PCDHB1: variants seen among roughly 807,000 people sequenced by gnomAD.
The protein encoded by PCDHB1 is protocadherin beta-1.
Under a neutral mutation model 43.5 loss-of-function variants are expected in PCDHB1, and 44 were observed. The ratio of observed to expected loss-of-function variants is 1.01; its 90% CI spans 0.79 to 1.30. The LOEUF is 1.30. PCDHB1 is among the 50% of genes most tolerant of loss of function. The pLI is 0.00. For synonymous variants in PCDHB1, 392 were observed against 400.8 expected (o/e 0.98, Z 0.26); for missense variants, 919 against 1,008.9 (o/e 0.91, Z 1.21).
chr5:141,052,742 C>T lies in PCDHB1; in HGVS notation c.1272C>T (p.Ala424=), dbSNP rs1554267295. The change falls in exon 1 of 1, where the codon GCC becomes GCT. Residue 424 remains alanine, a synonymous_variant. Coordinates refer to ENST00000306549, the MANE Select transcript of PCDHB1 (RefSeq NM_013340.4). ...EVSGYNITIV[A]MDTGPPSLSA... Reference sequence around the variant, plus strand: ...CAGGCTATAATATCACCATTGTTGCCATGGATACTGGACCACCTAGCTTGT... The same window carrying T: ...CAGGCTATAATATCACCATTGTTGCTATGGATACTGGACCACCTAGCTTGT... 6.2e-7 allele frequency: 1 copy of T among 1,614,082 alleles called. No homozygotes were observed. The highest frequency in any genetic ancestry group is 1.7e-5 in the Admixed American group (1 of 60,020).
In PCDHB1 at chr5:141,052,154, C is replaced by A. The variant is rs782694210; in HGVS notation, c.684C>A (p.Ile228=). ...GSPPKSGTAH[I]HVVVLDVNDH... ...CGCCTAAGTCTGGCACAGCTCACAT[C>A]CACGTGGTGGTTCTGGATGTCAACG... The change falls in exon 1 of 1, where the codon ATC becomes ATA. Residue 228 remains isoleucine (I), a synonymous_variant. Coordinates refer to ENST00000306549, the MANE Select transcript of PCDHB1 (RefSeq NM_013340.4). 4 of 1,613,732 alleles carry A rather than the reference C, an allele frequency of 2.5e-6. No individual in the cohort carries two copies. The highest frequency in any genetic ancestry group is 3.3e-5 in the Admixed American group (2 of 59,968).
Position 141,059,293 on chromosome 5 carries a change from TG to T in PCDHB1, c.*5368del, listed in dbSNP as rs1554268037. The T allele has an allele frequency of 6.6e-6, 1 of 152,180 alleles. No individual in the cohort carries two copies. The highest frequency in any genetic ancestry group is 1.9e-4 in the East Asian group (1 of 5,192). The allele number at this position is 152,180 out of a possible 1,614,324, so 9.4% of individuals were successfully genotyped here. ...CTTACAGATATACAAAAAATGGAAT[TG>T]GTCTGTCTGATATTATGTAATTCTC... On this transcript the variant is annotated 3_prime_UTR_variant, in exon 1 of 1. Coordinates refer to ENST00000306549, the MANE Select transcript of PCDHB1 (RefSeq NM_013340.4).
Position 141,055,025 on chromosome 5 carries a change from T to C in PCDHB1, c.*1098T>C, listed in dbSNP as rs1008460313. 2.6e-5 allele frequency: 4 copies of C among 152,138 alleles called. No homozygotes were observed. Among genetic ancestry groups the C allele is most frequent in the Non-Finnish European group, 4.4e-5 (3 of 68,032 alleles). The allele number at this position is 152,138 out of a possible 1,614,324, so 9.4% of individuals were successfully genotyped here. ...TTGATTTCTTGATTGTTTGGAGCCA[T>C]AGGCAAGTCTCAAATCTCCCTCTTT... is the stretch of plus-strand genomic sequence containing the variant. On this transcript the variant is annotated 3_prime_UTR_variant, in exon 1 of 1. Coordinates refer to ENST00000306549, the MANE Select transcript of PCDHB1 (RefSeq NM_013340.4).
chr5:141,052,247 T>A lies in PCDHB1; in HGVS notation c.777T>A (p.Ser259=), dbSNP rs782045814. ...TATCAGAGAACAGCCCCAATGGCTCTTTGGTGGCCACGGTGACTGCCGTGG... is the reference window on the plus strand; with the variant it reads ...TATCAGAGAACAGCCCCAATGGCTCATTGGTGGCCACGGTGACTGCCGTGG... The part of the protein sequence containing the change: ...AQVSENSPNG[S]LVATVTAVDL... The change falls in exon 1 of 1, where the codon TCT becomes TCA. Residue 259 remains serine, a synonymous_variant. Coordinates refer to ENST00000306549, the MANE Select transcript of PCDHB1 (RefSeq NM_013340.4). 2 of 1,614,176 alleles carry A rather than the reference T, an allele frequency of 1.2e-6. No homozygotes were observed. Among genetic ancestry groups the A allele is most frequent in the South Asian group, 2.2e-5 (2 of 91,090 alleles).
In PCDHB1 at chr5:141,059,041, T is replaced by C. The variant is rs1554268013; in HGVS notation, c.*5114T>C. The C allele has an allele frequency of 6.6e-6, 1 of 152,154 alleles. No homozygotes were observed. Among genetic ancestry groups the C allele is most frequent in the African/African-American group, 2.4e-5 (1 of 41,460 alleles). 9.4% of individuals were successfully genotyped at this position (152,154 alleles called of 1,614,324 possible). A position where few individuals can be genotyped will look rare whatever the true frequency, so the allele number is the denominator to read the frequency against. The stretch of plus-strand genomic sequence containing the variant: ...CAAAATTAGTATTTCTTTGTAACTC[T>C]ACATGTTAGATTATTTTAAACAATC... On this transcript the variant is annotated 3_prime_UTR_variant, in exon 1 of 1. Transcript: ENST00000306549.
rs1751145434 is a variant in PCDHB1, at chr5:141,056,902, C to T, written c.*2975C>T. On this transcript the variant is annotated 3_prime_UTR_variant, in exon 1 of 1. Coordinates refer to ENST00000306549, the MANE Select transcript of PCDHB1 (RefSeq NM_013340.4). ...TCCCAAAGTGCTAGGATTACAGCAC[C>T]ATGCCCAGCCTAGAATTAATTTTTA... is the stretch of plus-strand genomic sequence containing the variant. The T allele has an allele frequency of 6.6e-6, 1 of 152,150 alleles. No homozygotes were observed. The highest frequency in any genetic ancestry group is 2.4e-5 in the African/African-American group (1 of 41,440). The allele number at this position is 152,150 out of a possible 1,614,324, so 9.4% of individuals were successfully genotyped here.
At position 141,051,611 on chromosome 5, in the gene PCDHB1, C is replaced by T; in HGVS notation, c.141C>T (p.Asn47=). The T allele has an allele frequency of 2.5e-6, 4 of 1,614,236 alleles. No individual in the cohort carries two copies. The highest frequency in any genetic ancestry group is 3.4e-6 in the Non-Finnish European group (4 of 1,180,040). Reference sequence around the variant, plus strand: ...TGGAGAGCGGCTCGTTTGTGGCCAACGTAGCTAAGGACCTAGGACTGGAGG... The same window carrying T: ...TGGAGAGCGGCTCGTTTGTGGCCAATGTAGCTAAGGACCTAGGACTGGAGG... ...EEMESGSFVA[N]VAKDLGLEVG... The change falls in exon 1 of 1, where the codon AAC becomes AAT. Residue 47 remains asparagine (N), a synonymous_variant. Transcript: ENST00000306549.
rs1166077894 is a variant in PCDHB1, at chr5:141,051,393, C to T, written c.-78C>T. 2.7e-6 allele frequency: 4 copies of T among 1,478,102 alleles called. No homozygotes were observed. The African/African-American group carries it at 5.5e-5, about 20-fold the overall frequency. 91.6% of individuals were successfully genotyped at this position (1,478,102 alleles called of 1,614,324 possible). A position where few individuals can be genotyped will look rare whatever the true frequency, so the allele number is the denominator to read the frequency against. The stretch of plus-strand genomic sequence containing the variant: ...CTAGTGAAGCGGAGAGCAGCTGTTG[C>T]AGTAACCTGTTGCAGAAAAGTGAAA... On this transcript the variant is annotated 5_prime_UTR_variant, in exon 1 of 1. Transcript: ENST00000306549.
rs570377692 is a variant in PCDHB1 at position 141,051,468 on chromosome 5, C to T, written c.-3C>T. 1 of 1,613,690 alleles carries T rather than the reference C, an allele frequency of 6.2e-7. No homozygotes were observed. Among genetic ancestry groups the T allele is most frequent in the Non-Finnish European group, 8.5e-7 (1 of 1,179,576 alleles). ...ATTGCAGAGAGCGCGCTTGTGAGAA[C>T]TGATGGCGGGTACGCGCAGAAAATC... On this transcript the variant is annotated 5_prime_UTR_variant, in exon 1 of 1. Transcript: ENST00000306549.
Position 141,057,174 on chromosome 5 carries a change from T to C in PCDHB1, c.*3247T>C, listed in dbSNP as rs1347632693. 1 of 152,200 alleles carries C rather than the reference T, an allele frequency of 6.6e-6. No individual in the cohort carries two copies. Among genetic ancestry groups the C allele is most frequent in the Admixed American group, 6.5e-5 (1 of 15,280 alleles). 9.4% of individuals were successfully genotyped at this position (152,200 alleles called of 1,614,324 possible). On this transcript the variant is annotated 3_prime_UTR_variant, in exon 1 of 1. Transcript: ENST00000306549. ...TGTAGATTTGTCAACTTTTTATTTTTTCACATTAAATGAGATAAAATCTAC... is the reference window on the plus strand; with the variant it reads ...TGTAGATTTGTCAACTTTTTATTTTCTCACATTAAATGAGATAAAATCTAC...
chr5:141,057,406 G>T lies in PCDHB1; in HGVS notation c.*3479G>T, dbSNP rs1554267919. ...AAAATACAAAAATTAGCTGGGTGTG[G>T]TGGTATGTGCCTGTAGTCCCAGCTA... On this transcript the variant is annotated 3_prime_UTR_variant, in exon 1 of 1. Coordinates refer to ENST00000306549, the MANE Select transcript of PCDHB1 (RefSeq NM_013340.4). 1 of 151,806 alleles carries T rather than the reference G, an allele frequency of 6.6e-6. No individual in the cohort carries two copies. Among genetic ancestry groups the T allele is most frequent in the Non-Finnish European group, 1.5e-5 (1 of 67,968 alleles). 9.4% of individuals were successfully genotyped at this position (151,806 alleles called of 1,614,324 possible).
rs1487168243 is a variant in PCDHB1 at position 141,052,225 on chromosome 5, C to A, written c.755C>A (p.Ser252Ter). The change falls in exon 1 of 1, where the codon TCA becomes TAA. Residue 252 changes from serine to a stop codon, truncating the protein, a stop_gained. Transcript: ENST00000306549. LOFTEE classifies it high-confidence loss of function. ...CGACTGGTGTACAGAGCCCAGGTAT[C>A]AGAGAACAGCCCCAATGGCTCTTTG... ...FSRLVYRAQV[S>*]ENSPNGSLVA... The A allele has an allele frequency of 1.9e-6, 3 of 1,614,062 alleles. No homozygotes were observed. Among genetic ancestry groups the A allele is most frequent in the Non-Finnish European group, 1.7e-6 (2 of 1,180,034 alleles).
rs782279373 is a variant in PCDHB1, at chr5:141,053,042, C to T, written c.1572C>T (p.Ala524=). 7 of 1,614,216 alleles carry T rather than the reference C, an allele frequency of 4.3e-6. No homozygotes were observed. The highest frequency in any genetic ancestry group is 5.9e-6 in the Non-Finnish European group (7 of 1,180,042). ...CGCTGAGAACCATGGATTATGAGGC[C>T]ATTCAAGATTTTCAATTTGTGGTAA... ...LYALRTMDYE[A]IQDFQFVVKA... The change falls in exon 1 of 1, where the codon GCC becomes GCT. Residue 524 remains alanine, a synonymous_variant. Coordinates refer to ENST00000306549, the MANE Select transcript of PCDHB1 (RefSeq NM_013340.4).
rs1563791869 is a variant in PCDHB1 at position 141,052,410 on chromosome 5, A to G, written c.940A>G (p.Thr314Ala). Reference protein sequence around the residue: ...RGPLDFEAIETYDIDIQATDG... With the variant: ...RGPLDFEAIEAYDIDIQATDG... ...ACCCCTCGATTTTGAAGCCATTGAA[A>G]CATACGACATTGACATTCAAGCTAC... Residue 314 changes from threonine to alanine, a missense_variant, in exon 1 of 1, where the codon ACA (threonine) becomes GCA (alanine). Physicochemically the swap from Thr to Ala is moderately conservative, Grantham distance 58 (BLOSUM62 0). Transcript: ENST00000306549. 6.2e-7 allele frequency: 1 copy of G among 1,614,228 alleles called. No homozygotes were observed. The highest frequency in any genetic ancestry group is 1.1e-5 in the South Asian group (1 of 91,082).
chr5:141,055,503 C>T lies in PCDHB1; in HGVS notation c.*1576C>T, dbSNP rs1751114712. Reference sequence around the variant, plus strand: ...AATAAGTGTTACAGAACACTCTAAACTATTTTGTGCCATTAAGTGTACACA... The same window carrying T: ...AATAAGTGTTACAGAACACTCTAAATTATTTTGTGCCATTAAGTGTACACA... On this transcript the variant is annotated 3_prime_UTR_variant, in exon 1 of 1. Coordinates refer to ENST00000306549, the MANE Select transcript of PCDHB1 (RefSeq NM_013340.4). 1 of 152,194 alleles carries T rather than the reference C, an allele frequency of 6.6e-6. No homozygotes were observed. Among genetic ancestry groups the T allele is most frequent in the African/African-American group, 2.4e-5 (1 of 41,448 alleles). 9.4% of individuals were successfully genotyped at this position (152,194 alleles called of 1,614,324 possible). A position where few individuals can be genotyped will look rare whatever the true frequency, so the allele number is the denominator to read the frequency against.
chr5:141,053,715 T>G lies in PCDHB1; in HGVS notation c.2245T>G (p.Leu749Val), dbSNP rs782606889. The change falls in exon 1 of 1, where the codon TTA becomes GTA. Residue 749 changes from leucine to valine, a missense_variant. Leu to Val is a conservative substitution (Grantham distance 32, BLOSUM62 1). Transcript: ENST00000306549. The stretch of plus-strand genomic sequence containing the variant: ...GGTACAAGGACAAGGCAATGGATCC[T>G]TATCTCGGCCTTGTCCATATGAAAT... ...NLVQGQGNGS[L>V]SRPCPYEMCS... is the part of the protein sequence containing the mutation. 1.2e-6 allele frequency: 2 copies of G among 1,613,920 alleles called. No individual in the cohort carries two copies. Among genetic ancestry groups the G allele is most frequent in the Non-Finnish European group, 1.7e-6 (2 of 1,179,730 alleles).
chr5:141,053,644 C>G lies in PCDHB1; in HGVS notation c.2174C>G (p.Thr725Arg), dbSNP rs782787888. 3.1e-6 allele frequency: 5 copies of G among 1,614,062 alleles called. No homozygotes were observed. The South Asian group carries it at 5.5e-5, about 18-fold the overall frequency. The change falls in exon 1 of 1, where the codon ACA becomes AGA. Residue 725 changes from threonine to arginine, a missense_variant. Physicochemically the swap from Thr to Arg is moderately conservative, Grantham distance 71. Coordinates refer to ENST00000306549, the MANE Select transcript of PCDHB1 (RefSeq NM_013340.4). ...AAGATTAAATATAGAGAAAAGTTCA[C>G]AATTCAAGAGCATTTCTATGATGAC... ...YQKIKYREKFTIQEHFYDDCN... is the reference protein window; with the variant it reads ...YQKIKYREKFRIQEHFYDDCN...
At position 141,053,162 on chromosome 5, in the gene PCDHB1, C is replaced by A. The variant is rs782553505; in HGVS notation, c.1692C>A (p.Tyr564Ter). The A allele has an allele frequency of 7.8e-5, 126 of 1,614,070 alleles. No individual in the cohort carries two copies. The highest frequency in any genetic ancestry group is 1.0e-4 in the Non-Finnish European group (122 of 1,180,038). ...DDNDNRPMIL[Y>*]PLQNGTLPCN... is the part of the protein sequence containing the mutation. ...ATGACAATCGTCCAATGATCTTATA[C>A]CCACTGCAGAACGGCACCTTGCCCT... The change falls in exon 1 of 1, where the codon TAC becomes TAA. Residue 564 changes from tyrosine to a stop codon, truncating the protein, a stop_gained. Coordinates refer to ENST00000306549, the MANE Select transcript of PCDHB1 (RefSeq NM_013340.4). LOFTEE classifies it high-confidence loss of function.
In PCDHB1 at chr5:141,052,383, G is replaced by C; in HGVS notation, c.913G>C (p.Gly305Arg). 6.2e-7 allele frequency: 1 copy of C among 1,614,200 alleles called. No homozygotes were observed. The highest frequency in any genetic ancestry group is 8.5e-7 in the Non-Finnish European group (1 of 1,180,024). The part of the protein sequence containing the change: ...DPQNGEVRLR[G>R]PLDFEAIETY... ...TCAAAATGGAGAAGTTCGACTAAGA[G>C]GACCCCTCGATTTTGAAGCCATTGA... The change falls in exon 1 of 1, where the codon GGA becomes CGA. Residue 305 changes from glycine (G) to arginine (R), a missense_variant. Gly to Arg is a moderately radical substitution (Grantham distance 125). Transcript: ENST00000306549.
Sources: allele counts gnomAD v4.1 joint callset, GRCh38; gene constraint gnomAD v4.1.1; transcripts MANE v1.5; gene names NCBI Gene and HGNC (gene_info 2026-07-23, HGNC 2026-07-21).